Variants in ZNF266 observed in about 807,000 individuals in gnomAD.
ZNF266 encodes zinc finger protein 266.
ZNF266 carries 16 observed loss-of-function variants against 16.4 expected under a neutral mutation model. The ratio of observed to expected loss-of-function variants is 0.98; its 90% CI spans 0.66 to 1.48. The LOEUF (loss-of-function observed/expected upper bound fraction) is 1.48. ZNF266 is among the 40% of genes most tolerant of loss of function. ZNF266 has a pLI of 0.00. For missense variants in ZNF266, 738 were observed against 689.1 expected (o/e 1.07, Z -0.79); for synonymous variants, 262 against 237.9 (o/e 1.10, Z -0.93).
Position 9,426,539 on chromosome 19 carries a change from A to AG in ZNF266, c.-129-6322dup, listed in dbSNP as rs1016758020. ...CGAGATTTAGGAGGTTACAAGTTCA[A>AG]GAAAAAAAAAAAGAGGAACTTTTTG... On this transcript the variant is annotated intron_variant, in intron 5 of 10. Coordinates refer to ENST00000592904, the MANE Select transcript of ZNF266 (RefSeq NM_001370374.1). Among the ~76,000 whole-genome samples the AG allele has an allele frequency of 5.9e-5, 9 of 151,696 alleles. No homozygotes were observed. In the East Asian group the frequency reaches 9.6e-4, roughly 16 times the overall value.
At chr19:9,432,946 C>T (rs77973744) in intron 5 of ZNF266, among the ~76,000 whole-genome samples, 6,985 of 152,126 alleles carry the variant, frequency 0.046, 400 homozygotes, top group African/African-American at 0.14. Flanking sequence ...TTTTATTTTA[C>T]AATAGTTTGT....
intron 5 of ZNF266, among the ~76,000 whole-genome samples, chr19:9,433,331 A>G (rs554783497): frequency 6.2e-4 from 94 of 152,286 alleles, no homozygotes; most frequent in African/African-American, 2.1e-3. Context: ...GGATTGTATC[A>G]AGCCAACCCC....
intron 5 of ZNF266, among the ~76,000 whole-genome samples, chr19:9,424,629 G>T (rs186017640): frequency 6.6e-6 from 1 of 152,110 alleles, no homozygotes; most frequent in African/African-American, 2.4e-5. Flanking sequence ...ACGTATGTGT[G>T]TTTATATCCA....
intron 5 of ZNF266, among the ~76,000 whole-genome samples, chr19:9,423,660 C>T (rs150465620): frequency 1.1e-3 from 170 of 152,284 alleles, no homozygotes; most frequent in Non-Finnish European, 2.0e-3. Flanking sequence ...ATAAAGCCTT[C>T]CATGGTACTG....
intron 8 of ZNF266, 106 bp from the exon 9 acceptor site, chr19:9,418,014 T>A: frequency 8.7e-7 from 1 of 1,156,020 alleles, no homozygotes; most frequent in Non-Finnish European, 1.3e-6. Flanking sequence ...GAAATTATTT[T>A]AAAAGGGCTA....
At chr19:9,427,683 T>G (rs1421527869) in intron 5 of ZNF266, among the ~76,000 whole-genome samples, 2 of 152,002 alleles carry the variant, frequency 1.3e-5, no homozygotes, top group African/African-American at 4.8e-5. Flanking sequence ...GCAGCTTGCC[T>G]CTCCCTCCAA....
Position 9,414,085 on chromosome 19 carries a change from G to C in ZNF266, c.1041C>G (p.Ser347=). Residue 347 remains serine (S), a synonymous_variant, in exon 11 of 11, where the codon TCC becomes TCG. Coordinates refer to ENST00000592904, the MANE Select transcript of ZNF266 (RefSeq NM_001370374.1). The part of the protein sequence containing the change: ...CKDCGRAFTV[S]SCLSQHMKIH... The stretch of plus-strand genomic sequence containing the variant: ...TTTTCATATGTTGACTTAAGCAAGA[G>C]GAAACAGTGAAGGCTCTCCCACAAT... 1.2e-6 allele frequency: 2 copies of C among 1,613,636 alleles called. No individual in the cohort carries two copies. Among genetic ancestry groups the C allele is most frequent in the African/African-American group, 2.7e-5 (2 of 74,884 alleles).
At chr19:9,425,320 C>T (rs1040946324) in intron 5 of ZNF266, among the ~76,000 whole-genome samples, 1 of 152,208 alleles carries the variant, frequency 6.6e-6, no homozygotes, top group Non-Finnish European at 1.5e-5. Flanking sequence ...CGAGAGCAGC[C>T]TCCCATCCTG....
intron 5 of ZNF266, among the ~76,000 whole-genome samples, chr19:9,431,070 T>C (rs2071514303): frequency 6.6e-6 from 1 of 152,188 alleles, no homozygotes; most frequent in Non-Finnish European, 1.5e-5. Flanking sequence ...GGGACAGAGC[T>C]AGAATTTACA....
chr19:9,417,135 C>T (rs1045484342), intron 9 of ZNF266, among the ~76,000 whole-genome samples: 5 of 151,978 alleles, frequency 3.3e-5, no homozygotes, highest in Non-Finnish European at 7.4e-5. Flanking sequence ...CTTTGGGAGG[C>T]CAAGGCAGGT....
At chr19:9,433,990 T>A (rs1353474245) in intron 4 of ZNF266, 85 bp downstream of exon 4, 1 of 152,060 alleles carries the variant, frequency 6.6e-6, no homozygotes, top group Non-Finnish European at 1.5e-5. Context: ...AGATATCACT[T>A]ACTATTTCCT....
In ZNF266 at chr19:9,413,943, TCTTACATTCAAAGGGATC is replaced by T; in HGVS notation, c.1165_1182del (p.Asp389_Lys394del). ...GAATTTCTAAAGGATTTTCCACATA[TCTTACATTCAAAGGGATC>T]CTTTGCAGTGTGAGTTTTTAAATGT... is the stretch of plus-strand genomic sequence containing the variant. On this transcript the variant is annotated inframe_deletion, in exon 11 of 11. Transcript: ENST00000592904. 1 of 1,614,142 alleles carries T rather than the reference TCTTACATTCAAAGGGATC, an allele frequency of 6.2e-7. No individual in the cohort carries two copies. Among genetic ancestry groups the T allele is most frequent in the East Asian group, 2.2e-5 (1 of 44,878 alleles).
intron 10 of ZNF266, 152 bp from the exon 11 acceptor site, chr19:9,414,872 G>T: frequency 2.2e-6 from 2 of 896,844 alleles, no homozygotes; most frequent in Non-Finnish European, 3.1e-6. Context: ...TTTCTTTCCA[G>T]CGGAATGACA....
chr19:9,413,666 GA>G lies in ZNF266; in HGVS notation c.1459del (p.Ser487LeufsTer8). The G allele has an allele frequency of 6.2e-7, 1 of 1,614,158 alleles. No homozygotes were observed. The highest frequency in any genetic ancestry group is 8.5e-7 in the Non-Finnish European group (1 of 1,180,014). On this transcript the variant is annotated frameshift_variant, in exon 11 of 11. Coordinates refer to ENST00000592904, the MANE Select transcript of ZNF266 (RefSeq NM_001370374.1). LOFTEE classifies it low-confidence loss of function (END_TRUNC). ...CVKCGKAFAI[S>X]SNLSGHLRIH... is the part of the protein sequence containing the mutation. ...TCTCAAATGTCCACTAAGATTTGAA[GA>G]AATAGCAAAGGCTTTCCCACATTTG...
intron 5 of ZNF266, among the ~76,000 whole-genome samples, chr19:9,428,633 C>T (rs1225762191): frequency 6.6e-6 from 1 of 151,832 alleles, no homozygotes; most frequent in Non-Finnish European, 1.5e-5. Context: ...CGCTGGATGC[C>T]CAGGTCAACA....
Position 9,413,354 on chromosome 19 carries a change from T to G in ZNF266, c.1772A>C (p.Glu591Ala). The change falls in exon 11 of 11, where the codon GAG becomes GCG. Residue 591 changes from glutamate to alanine, a missense_variant. Coordinates refer to ENST00000592904, the MANE Select transcript of ZNF266 (RefSeq NM_001370374.1). ...HTGEKPYECK[E>A]CGKAFSSSSS... ...GGAAGAACTGAAGGCTTTCCCGCAC[T>G]CCTTACATTCATAGGGTTTCTCTCC... 6.2e-7 allele frequency: 1 copy of G among 1,613,804 alleles called. No individual in the cohort carries two copies. Among genetic ancestry groups the G allele is most frequent in the Non-Finnish European group, 8.5e-7 (1 of 1,179,788 alleles).
rs2068471770 is a variant in ZNF266, at chr19:9,413,176, C to A, written c.*99G>T. The A allele has an allele frequency of 6.9e-7, 1 of 1,443,110 alleles. No homozygotes were observed. Among genetic ancestry groups the A allele is most frequent in the Non-Finnish European group, 9.3e-7 (1 of 1,073,550 alleles). The allele number at this position is 1,443,110 out of a possible 1,614,324, so 89.4% of individuals were successfully genotyped here. ...TATGTGTTCATTAAGACCTGAGATA[C>A]AAAGTTGCTTCCACATTTTTACATT... On this transcript the variant is annotated 3_prime_UTR_variant, in exon 11 of 11. Coordinates refer to ENST00000592904, the MANE Select transcript of ZNF266 (RefSeq NM_001370374.1).
At chr19:9,428,395 G>A (rs1427021342) in intron 5 of ZNF266, among the ~76,000 whole-genome samples, 1 of 152,164 alleles carries the variant, frequency 6.6e-6, no homozygotes, top group Non-Finnish European at 1.5e-5. Flanking sequence ...TGCTGAAGGT[G>A]GTCACTCCTC....
chr19:9,425,723 G>A (rs1009477303), intron 5 of ZNF266, among the ~76,000 whole-genome samples: 1 of 152,138 alleles, frequency 6.6e-6, no homozygotes, highest in Admixed American at 6.5e-5. Context: ...TAAATTGGGT[G>A]GGTCCTCCAT....
Sources: gnomAD v4.1 joint callset for allele counts (sites outside exome capture counted in the v4.1 genomes callset) on GRCh38, gnomAD v4.1.1 for gene constraint, MANE v1.5 for transcripts, NCBI Gene and HGNC (gene_info 2026-07-23, HGNC 2026-07-21) for gene names.